The following SUGCT variants were observed in gnomAD, a reference collection of about 807,000 sequenced individuals.
The protein encoded by SUGCT is succinyl-CoA:glutarate-CoA transferase.
Under a neutral mutation model 55.0 loss-of-function variants are expected in SUGCT, and 41 were observed. That is an observed-to-expected ratio of 0.74 (90% CI 0.58 to 0.97). The LOEUF (loss-of-function observed/expected upper bound fraction) is 0.97. SUGCT is among the 50% of genes least tolerant of loss of function. SUGCT has a pLI of 0.00. For synonymous variants in SUGCT, 187 were observed against 200.4 expected, an observed-to-expected ratio of 0.93 and a Z score of 0.56; for missense variants, 568 against 547.8, an observed-to-expected ratio of 1.04 and a Z score of -0.37.
intron 12 of SUGCT, among the ~76,000 whole-genome samples, chr7:40,665,084 C>G (rs1801545306): frequency 6.6e-6 from 1 of 151,750 alleles, no homozygotes; most frequent in Non-Finnish European, 1.5e-5. Context: ...TATTGAACAC[C>G]CTGGGGAATA....
chr7:40,341,782 CA>C (rs1797064466), intron 9 of SUGCT, among the ~76,000 whole-genome samples: 1 of 152,136 alleles, frequency 6.6e-6, no homozygotes, highest in East Asian at 1.9e-4. Context: ...AGTTCAGAGG[CA>C]TTAAAGATGC....
chr7:40,155,146 GTA>G (rs1783820268), intron 1 of SUGCT, among the ~76,000 whole-genome samples: 1 of 152,128 alleles, frequency 6.6e-6, no homozygotes, highest in Non-Finnish European at 1.5e-5. Context: ...TTAGCTGGGT[GTA>G]GTGGCGCATG....
At chr7:40,288,316 G>A (rs13227773) in intron 8 of SUGCT, among the ~76,000 whole-genome samples, 82,287 of 151,696 alleles carry the variant, frequency 0.54, 24,287 homozygotes, top group Non-Finnish European at 0.67. Context: ...AACAAAGCCT[G>A]GGTTGTTCCC....
chr7:40,574,390 G>T (rs912951552), intron 12 of SUGCT, among the ~76,000 whole-genome samples: 1 of 152,080 alleles, frequency 6.6e-6, no homozygotes, highest in Non-Finnish European at 1.5e-5. Context: ...GATATATTAT[G>T]TCATCCTGAA....
At chr7:40,395,350 A>G (rs1785664365) in intron 9 of SUGCT, among the ~76,000 whole-genome samples, 1 of 151,876 alleles carries the variant, frequency 6.6e-6, no homozygotes, top group Non-Finnish European at 1.5e-5. Flanking sequence ...TTAGCTGGTT[A>G]TGGTGGCTGG....
chr7:40,194,734 C>T (rs935738619), intron 5 of SUGCT, among the ~76,000 whole-genome samples: 1 of 152,198 alleles, frequency 6.6e-6, no homozygotes, highest in African/African-American at 2.4e-5. Context: ...CTTACATGTA[C>T]TTACAAAAAC....
intron 12 of SUGCT, among the ~76,000 whole-genome samples, chr7:40,745,896 A>G (rs1025684368): frequency 6.6e-6 from 1 of 152,248 alleles, no homozygotes; most frequent in Non-Finnish European, 1.5e-5. Context: ...GGGAAATTAT[A>G]GCAGTTAATT....
At chr7:40,942,245 G>T in the SUGCT span, among the ~76,000 whole-genome samples, 2 of 152,032 alleles carry the variant, frequency 1.3e-5, no homozygotes, top group African/African-American at 4.8e-5. Context: ...CGTTCTTATA[G>T]GGCTTGTTTG....
chr7:40,150,391 G>T (rs1056947704), intron 1 of SUGCT, among the ~76,000 whole-genome samples: 3 of 152,146 alleles, frequency 2.0e-5, no homozygotes, highest in Non-Finnish European at 4.4e-5. Flanking sequence ...TCGCTGGGCC[G>T]GGCACGGTGG....
intron 1 of SUGCT, among the ~76,000 whole-genome samples, chr7:40,170,655 G>A (rs1056323646): frequency 1.3e-5 from 2 of 149,870 alleles, no homozygotes; most frequent in African/African-American, 4.9e-5. Flanking sequence ...TACGCTCACC[G>A]ATGTAGCAGT....
chr7:40,890,127 G>C, the SUGCT span, among the ~76,000 whole-genome samples: 1 of 150,654 alleles, frequency 6.6e-6, no homozygotes, highest in African/African-American at 2.4e-5. Context: ...GAGGAGACAG[G>C]TGAGCAACTG....
the SUGCT span, among the ~76,000 whole-genome samples, chr7:40,885,732 G>A: frequency 2.6e-5 from 4 of 152,204 alleles, no homozygotes; most frequent in East Asian, 7.7e-4. Context: ...GACCTGCTGG[G>A]AGGAAAGGCA....
chr7:40,961,992 G>A, the SUGCT span, among the ~76,000 whole-genome samples: 1 of 152,166 alleles, frequency 6.6e-6, no homozygotes, highest in Non-Finnish European at 1.5e-5. Context: ...CCACAATGTG[G>A]AAGGGGACCC....
At chr7:40,216,396 A>T (rs1355378332) in intron 6 of SUGCT, among the ~76,000 whole-genome samples, 1 of 146,766 alleles carries the variant, frequency 6.8e-6, no homozygotes, top group East Asian at 2.1e-4. Flanking sequence ...GCTACTTGGG[A>T]GGCTGAGGTG....
chr7:40,588,568 G>A (rs1797533675), intron 12 of SUGCT, among the ~76,000 whole-genome samples: 1 of 152,124 alleles, frequency 6.6e-6, no homozygotes, highest in Admixed American at 6.6e-5. Flanking sequence ...GGTTTCAAGA[G>A]TGATTAATCT....
intron 12 of SUGCT, among the ~76,000 whole-genome samples, chr7:40,720,305 A>G (rs1384485514): frequency 6.6e-6 from 1 of 152,278 alleles, no homozygotes; most frequent in Non-Finnish European, 1.5e-5. Flanking sequence ...GTACAAGGGG[A>G]CATGGAGGGG....
In SUGCT at chr7:40,439,062, GTGTATATATATATATATATA is replaced by G. The variant is rs1231679094; in HGVS notation, c.817-10223_817-10204del. On this transcript the variant is annotated intron_variant, in intron 9 of 13. Coordinates refer to ENST00000335693, the MANE Select transcript of SUGCT (RefSeq NM_001193313.2). ...TATATATATATATGGTATATATATGGTGTATATATATATATATATATATATATATATATATATATATATAT... is the reference window on the plus strand; with the variant it reads ...TATATATATATATGGTATATATATGGTATATATATATATATATATATATAT... Among the ~76,000 whole-genome samples the G allele has an allele frequency of 1.2e-3, 56 of 47,032 alleles. 5 individuals are homozygous for G. The highest frequency in any genetic ancestry group is 6.7e-3 in the Admixed American group (25 of 3,710). The allele number at this position is 47,032 out of a possible 152,430, so 30.9% of individuals were successfully genotyped here.
intron 1 of SUGCT, among the ~76,000 whole-genome samples, chr7:40,178,618 A>G (rs181012305): frequency 3.9e-5 from 6 of 152,162 alleles, no homozygotes; most frequent in Admixed American, 3.9e-4. Flanking sequence ...CTGATAACCA[A>G]TACTTTATAT....
chr7:40,794,622 G>GA (rs2128746982), intron 13 of SUGCT, among the ~76,000 whole-genome samples: 1 of 152,196 alleles, frequency 6.6e-6, no homozygotes, highest in Admixed American at 6.5e-5. Context: ...TGCTCCTGGG[G>GA]AAGCTGCTAG....
Sources: allele counts gnomAD v4.1 joint callset (sites outside exome capture counted in the v4.1 genomes callset), GRCh38; gene constraint gnomAD v4.1.1; transcripts MANE v1.5; gene names NCBI Gene and HGNC (gene_info 2026-07-23, HGNC 2026-07-21).